PRDM2: variants seen among roughly 807,000 people sequenced by gnomAD.
The protein encoded by PRDM2 is PR/SET domain 2, also known as PR domain zinc finger protein 2.
In PRDM2, 30 loss-of-function variants were observed where a neutral mutation model predicts 130.0. That is an observed-to-expected ratio of 0.23 (90% CI 0.17 to 0.31). The LOEUF (loss-of-function observed/expected upper bound fraction) is 0.31. Ranked by LOEUF, PRDM2 falls within the 10% of genes least tolerant of loss-of-function variation. PRDM2 has a pLI of 1.00. For missense variants in PRDM2, 2,011 were observed against 2,108.4 expected, an observed-to-expected ratio of 0.95 and a Z score of 0.90; for synonymous variants, 871 against 782.4, an observed-to-expected ratio of 1.11 and a Z score of -1.89.
At chr1:13,744,550 A>C (rs1643546487) in intron 5 of PRDM2, among the ~76,000 whole-genome samples, 1 of 152,132 alleles carries the variant, frequency 6.6e-6, no homozygotes, top group African/African-American at 2.4e-5. Context: ...TGACCACGCA[A>C]AGGATCTCTC....
rs563529105 is a variant in PRDM2 at position 13,761,400 on chromosome 1, T to TA, written c.512-11678_512-11677insA. Among the ~76,000 whole-genome samples the TA allele has an allele frequency of 7.7e-4, 118 of 152,334 alleles. 1 individual carries two copies. Among genetic ancestry groups the TA allele is most frequent in the Non-Finnish European group, 1.2e-3 (83 of 68,040 alleles). ...AAAACAAATGGACGAAAGGACAGTT[T>TA]TCTTAGAAGGTGCTAATTAATTTGA... On this transcript the variant is annotated intron_variant, in intron 6 of 9. Coordinates refer to ENST00000311066, the MANE Select transcript of PRDM2 (RefSeq NM_001393986.1).
At chr1:13,801,030 G>A (rs945712319) in intron 8 of PRDM2, among the ~76,000 whole-genome samples, 1 of 152,260 alleles carries the variant, frequency 6.6e-6, no homozygotes, top group African/African-American at 2.4e-5. Context: ...CTCTCCAGGA[G>A]CACCAGGTCA....
chr1:13,792,383 A>AT (rs1644854192), intron 8 of PRDM2, among the ~76,000 whole-genome samples: 1 of 152,180 alleles, frequency 6.6e-6, no homozygotes, highest in South Asian at 2.1e-4. Context: ...CAGCAGTTGA[A>AT]TTTGTCGTAG....
At position 13,778,626 on chromosome 1, in the gene PRDM2, TGAAGAA is replaced by T. The variant is rs753575835; in HGVS notation, c.843_848del (p.Glu281_Glu282del). On this transcript the variant is annotated inframe_deletion, in exon 8 of 10. Coordinates refer to ENST00000311066, the MANE Select transcript of PRDM2 (RefSeq NM_001393986.1). ...AGGAGGAGGAGGAAGAGGAGGAGGA[TGAAGAA>T]GAAGAAGAAGATGATGATGATGATG... The T allele has an allele frequency of 6.8e-6, 11 of 1,611,548 alleles. No homozygotes were observed. The highest frequency in any genetic ancestry group is 2.2e-5 in the South Asian group (2 of 90,832).
intron 1 of PRDM2, among the ~76,000 whole-genome samples, chr1:13,701,097 C>T (rs180960317): frequency 2.0e-5 from 3 of 152,302 alleles, no homozygotes; most frequent in Admixed American, 2.0e-4. Context: ...GGCAAAGACC[C>T]CATAGTTAAC....
intron 6 of PRDM2, among the ~76,000 whole-genome samples, chr1:13,766,723 A>T (rs1644235180): frequency 6.6e-6 from 1 of 152,212 alleles, no homozygotes; most frequent in Non-Finnish European, 1.5e-5. Context: ...CTGTGCACAG[A>T]TATTTAATTC....
At chr1:13,816,120 G>A (rs1228814618) in intron 8 of PRDM2, among the ~76,000 whole-genome samples, 1 of 152,180 alleles carries the variant, frequency 6.6e-6, no homozygotes, top group African/African-American at 2.4e-5. Context: ...TCCACTGGGG[G>A]TCACCAGACG....
At chr1:13,812,165 T>G (rs756399988) in intron 8 of PRDM2, among the ~76,000 whole-genome samples, 1 of 151,018 alleles carries the variant, frequency 6.6e-6, no homozygotes, top group African/African-American at 2.4e-5. Context: ...GGGGGGAGGG[T>G]GCAGCGTCGA....
chr1:13,724,477 A>G (rs1287899669), intron 2 of PRDM2, among the ~76,000 whole-genome samples: 1 of 149,714 alleles, frequency 6.7e-6, no homozygotes, highest in Non-Finnish European at 1.5e-5. Flanking sequence ...GTAGAAAGTT[A>G]TAGAAATTCC....
chr1:13,801,155 G>T (rs929631345), intron 8 of PRDM2, among the ~76,000 whole-genome samples: 14 of 152,238 alleles, frequency 9.2e-5, no homozygotes, highest in Non-Finnish European at 1.3e-4. Context: ...CGTGAGCGAG[G>T]ACTGAAGTGA....
intron 1 of PRDM2, among the ~76,000 whole-genome samples, chr1:13,709,310 CAG>C (rs1310101501): frequency 1.3e-5 from 2 of 152,162 alleles, no homozygotes; most frequent in Non-Finnish European, 1.5e-5. Context: ...CAAATTTCAA[CAG>C]ATTCTAATCG....
chr1:13,824,473 T>C lies in PRDM2; in HGVS notation c.*1338T>C, dbSNP rs1022325947. The C allele has an allele frequency of 6.6e-6, 1 of 152,242 alleles. No individual in the cohort carries two copies. Among genetic ancestry groups the C allele is most frequent in the Non-Finnish European group, 1.5e-5 (1 of 68,034 alleles). The allele number at this position is 152,242 out of a possible 1,614,324, so 9.4% of individuals were successfully genotyped here. A position where few individuals can be genotyped will look rare whatever the true frequency, so the allele number is the denominator to read the frequency against. ...AAGTTTTATAACTTGTGTTATTTAA[T>C]GAGTCAGTCAATCGGCTGCAGTATG... is the stretch of plus-strand genomic sequence containing the variant. On this transcript the variant is annotated 3_prime_UTR_variant, in exon 10 of 10. Coordinates refer to ENST00000311066, the MANE Select transcript of PRDM2 (RefSeq NM_001393986.1).
intron 8 of PRDM2, among the ~76,000 whole-genome samples, chr1:13,816,051 C>T (rs1645250869): frequency 6.6e-6 from 1 of 152,110 alleles, no homozygotes; most frequent in Non-Finnish European, 1.5e-5. Context: ...GAAATGGAAT[C>T]AGAGAAGGGC....
chr1:13,768,283 CCG>C (rs1277694276), intron 6 of PRDM2, among the ~76,000 whole-genome samples: 2 of 151,740 alleles, frequency 1.3e-5, no homozygotes, highest in Admixed American at 6.6e-5. Context: ...CGGGGTTTCA[CCG>C]CACTAGCCAG....
At chr1:13,720,951 A>ATCAC (rs1342348018) in intron 2 of PRDM2, among the ~76,000 whole-genome samples, 1 of 152,266 alleles carries the variant, frequency 6.6e-6, no homozygotes, top group Non-Finnish European at 1.5e-5. Flanking sequence ...CCGTGTAACT[A>ATCAC]TCACTGCTGT....
At chr1:13,804,058 C>T (rs1645050048) in intron 8 of PRDM2, among the ~76,000 whole-genome samples, 1 of 152,186 alleles carries the variant, frequency 6.6e-6, no homozygotes, top group Non-Finnish European at 1.5e-5. Context: ...CTTCTATTCA[C>T]ACCTCTTAAG....
rs763789589 is a variant in PRDM2 at position 13,779,824 on chromosome 1, G to C, written c.2029G>C (p.Val677Leu). 6.2e-7 allele frequency: 1 copy of C among 1,614,202 alleles called. No homozygotes were observed. Among genetic ancestry groups the C allele is most frequent in the Non-Finnish European group, 8.5e-7 (1 of 1,180,044 alleles). The change falls in exon 8 of 10, where the codon GTG becomes CTG. Residue 677 changes from valine (V) to leucine (L), a missense_variant. Physicochemically the swap from Val to Leu is conservative, Grantham distance 32 (BLOSUM62 1). This residue lies in a region of PRDM2 where 1,288 missense variants were observed against 1,237.7 expected (regional missense o/e 1.04). Coordinates refer to ENST00000311066, the MANE Select transcript of PRDM2 (RefSeq NM_001393986.1). This position sits in a 1 kb window ranked among gnomAD's most constrained non-coding sequence, Gnocchi z 4.9. Reference protein sequence around the residue: ...LPLSISTTEAVSFHKEKSVYL... With the variant: ...LPLSISTTEALSFHKEKSVYL... ...TCTTAGCATATCAACAACAGAGGCA[G>C]TGTCTTTCCACAAAGAGAAAAGTGT... is the stretch of plus-strand genomic sequence containing the variant.
At chr1:13,812,515 T>C (rs537594755) in intron 8 of PRDM2, among the ~76,000 whole-genome samples, 2 of 152,154 alleles carry the variant, frequency 1.3e-5, no homozygotes, top group East Asian at 3.9e-4. Flanking sequence ...CTGAGAAGAG[T>C]GACAAGAGTC....
intron 7 of PRDM2, 73 bp downstream of exon 7, chr1:13,773,261 A>G: frequency 1.1e-6 from 1 of 893,076 alleles, no homozygotes; most frequent in Non-Finnish European, 1.6e-6. Context: ...GTATCTCTTT[A>G]TATTGTCCTT....
Sources: gnomAD v4.1 joint callset for allele counts (sites outside exome capture counted in the v4.1 genomes callset) on GRCh38, gnomAD v4.1.1 for gene constraint, gnomAD v4.1.1 regional missense constraint, Gnocchi (gnomAD v3.1) non-coding constraint, MANE v1.5 for transcripts, NCBI Gene and HGNC (gene_info 2026-07-23, HGNC 2026-07-21) for gene names.